ZNF624: variants seen among roughly 807,000 people sequenced by gnomAD.
ZNF624 encodes zinc finger protein 624.
A neutral mutation model predicts 74.7 loss-of-function variants in ZNF624; 43 were observed. The observed-to-expected ratio is 0.58, with a 90% CI of 0.45 to 0.74. ZNF624 has a LOEUF of 0.74. ZNF624 is among the 30% of genes least tolerant of loss of function. The pLI, the probability that ZNF624 is intolerant of heterozygous loss-of-function variation, is 0.00. For synonymous variants in ZNF624, 331 were observed against 341.3 expected, an observed-to-expected ratio of 0.97 and a Z score of 0.33; for missense variants, 820 against 1,030.0, an observed-to-expected ratio of 0.80 and a Z score of 2.79.
chr17:16,615,956 C>CATACATATATAT (rs58603208), downstream of ZNF624, among the ~76,000 whole-genome samples: 131 of 90,138 alleles, frequency 1.5e-3, 2 homozygotes, highest in South Asian at 6.5e-3. Context: ...ATTCCATATA[C>CATACATATATAT]ATATATATAT....
At chr17:16,625,256 A>G (rs1909042820) in intron 5 of ZNF624, among the ~76,000 whole-genome samples, 1 of 150,078 alleles carries the variant, frequency 6.7e-6, no homozygotes, top group Non-Finnish European at 1.5e-5. Context: ...ATCTCGGCTC[A>G]CTGCAACCTC....
intron 4 of ZNF624, among the ~76,000 whole-genome samples, chr17:16,634,229 A>G (rs561468158): frequency 1.3e-5 from 2 of 152,376 alleles, no homozygotes; most frequent in Non-Finnish European, 2.9e-5. Context: ...CATATTGTAC[A>G]GTGATGTTTT....
At chr17:16,626,161 G>A (rs1909067252) in intron 5 of ZNF624, among the ~76,000 whole-genome samples, 1 of 152,116 alleles carries the variant, frequency 6.6e-6, no homozygotes, top group African/African-American at 2.4e-5. Flanking sequence ...ATGTTGGCCA[G>A]GCTGGTCTCC....
chr17:16,616,945 C>T (rs1597487825), downstream of ZNF624: 6 of 1,575,820 alleles, frequency 3.8e-6, no homozygotes, highest in East Asian at 8.9e-5. Context: ...GGACACAGAG[C>T]GGGCCTTTCA....
chr17:16,635,544 T>G (rs1180724992), intron 3 of ZNF624, among the ~76,000 whole-genome samples: 1 of 152,062 alleles, frequency 6.6e-6, no homozygotes, highest in African/African-American at 2.4e-5. Flanking sequence ...ACTCACTCAT[T>G]AGAGAGGAAC....
downstream of ZNF624, chr17:16,617,061 G>C (rs1908805961): frequency 6.2e-7 from 1 of 1,611,352 alleles, no homozygotes; most frequent in Admixed American, 1.7e-5. Context: ...ACCGAGACCT[G>C]CTTCGATATT....
In ZNF624 at chr17:16,623,030, C is replaced by A. The variant is rs774464560; in HGVS notation, c.1856G>T (p.Arg619Met). 6.2e-7 allele frequency: 1 copy of A among 1,613,718 alleles called. No homozygotes were observed. The highest frequency in any genetic ancestry group is 1.1e-5 in the South Asian group (1 of 91,032). Residue 619 changes from arginine to methionine, a missense_variant, in exon 6 of 6, where the codon AGG (arginine) becomes ATG (methionine). Coordinates refer to ENST00000311331, the MANE Select transcript of ZNF624 (RefSeq NM_020787.4). The surrounding 1 kb of genome is among the most constrained non-coding windows in gnomAD (Gnocchi z 5.3). ...EKPYKCTDCE[R>M]AFTKMVNLKE... Reference sequence around the variant, plus strand: ...GAGATTTACCATTTTGGTGAATGCCCTCTCGCAGTCAGTACATTTATATGG... The same window carrying A: ...GAGATTTACCATTTTGGTGAATGCCATCTCGCAGTCAGTACATTTATATGG...
At chr17:16,619,453 C>A (rs73982035), downstream of ZNF624, among the ~76,000 whole-genome samples, 1,756 of 152,192 alleles carry the variant, frequency 0.012, 28 homozygotes, top group African/African-American at 0.039. Flanking sequence ...TCTAAAAAAA[C>A]CCCGTCTCCA....
rs1026384844 is a variant in ZNF624, at chr17:16,620,961, C to T, written c.*1327G>A. The T allele has an allele frequency of 2.6e-5, 4 of 152,058 alleles. No homozygotes were observed. Among genetic ancestry groups the T allele is most frequent in the Non-Finnish European group, 1.5e-5 (1 of 67,996 alleles). The allele number at this position is 152,058 out of a possible 1,614,324, so 9.4% of individuals were successfully genotyped here. On this transcript the variant is annotated 3_prime_UTR_variant, in exon 6 of 6. Transcript: ENST00000311331. Reference sequence around the variant, plus strand: ...CCATAAAGGCAGCATTTACATTTTTCTGTTTTTACAGTCTCCCCTTCCCTT... The same window carrying T: ...CCATAAAGGCAGCATTTACATTTTTTTGTTTTTACAGTCTCCCCTTCCCTT...
At position 16,623,160 on chromosome 17, in the gene ZNF624, G is replaced by A. The variant is rs772054581; in HGVS notation, c.1726C>T (p.Arg576Cys). ...TAAGGTTTCTCTTCAGTATGAATAC[G>A]CTGATGTATAATTAGAGAAGAAGAA... Reference protein sequence around the residue: ...MRSSSLIIHQRIHTEEKPYLC... With the variant: ...MRSSSLIIHQCIHTEEKPYLC... Residue 576 changes from arginine to cysteine, a missense_variant, in exon 6 of 6, where the codon CGT becomes TGT. Arg to Cys is a radical substitution (Grantham distance 180). Transcript: ENST00000311331. This position sits in a 1 kb window ranked among gnomAD's most constrained non-coding sequence, Gnocchi z 5.3. 8 of 1,613,522 alleles carry A rather than the reference G, an allele frequency of 5.0e-6. No individual in the cohort carries two copies. The Admixed American group carries it at 8.3e-5, about 17-fold the overall frequency.
rs754112652 is a variant in ZNF624 at position 16,622,538 on chromosome 17, T to C, written c.2348A>G (p.Lys783Arg). 56 of 1,613,814 alleles carry C rather than the reference T, an allele frequency of 3.5e-5. No homozygotes were observed. The South Asian group carries it at 5.8e-4, about 17-fold the overall frequency. Residue 783 changes from lysine to arginine, a missense_variant, in exon 6 of 6, where the codon AAG becomes AGG. By Grantham distance (26) the Lys-to-Arg change is conservative. Transcript: ENST00000311331. ...THTGEKPYTC[K>R]ECGKGCITLS... ...AGTAATACAACCCTTTCCACATTCCTTACAGGTGTAGGGTTTTTCTCCAGT... is the reference window on the plus strand; with the variant it reads ...AGTAATACAACCCTTTCCACATTCCCTACAGGTGTAGGGTTTTTCTCCAGT...
chr17:16,650,243 G>A lies in ZNF624; in HGVS notation c.-2-497C>T, dbSNP rs185813402. 2.2e-3 allele frequency among the ~76,000 whole-genome samples: 327 copies of A among 151,982 alleles called. 2 individuals are homozygous for A. Among genetic ancestry groups the A allele is most frequent in the African/African-American group, 7.5e-3 (310 of 41,442 alleles). ...AATCTCCTTTTCTTGCCTTTCCCAC[G>A]AAGAGTCTATTTCCTAACATTTTCA... On this transcript the variant is annotated intron_variant, in intron 1 of 5. Coordinates refer to ENST00000311331, the MANE Select transcript of ZNF624 (RefSeq NM_020787.4).
At chr17:16,637,335 A>G (rs1168853364) in intron 3 of ZNF624, among the ~76,000 whole-genome samples, 2 of 152,212 alleles carry the variant, frequency 1.3e-5, no homozygotes, top group African/African-American at 4.8e-5. Context: ...CAAGCTACCA[A>G]TGACTTTCTT....
At position 16,623,844 on chromosome 17, in the gene ZNF624, T is replaced by TA; in HGVS notation, c.1041dup (p.Met348TyrfsTer9). 1.2e-6 allele frequency: 2 copies of TA among 1,613,942 alleles called. No homozygotes were observed. Among genetic ancestry groups the TA allele is most frequent in the Non-Finnish European group, 1.7e-6 (2 of 1,179,988 alleles). ...TTAGTGTGAATTCTCTGATGTACCA[T>TA]AAGTGATGAAGAAGCAATGAAGGCC... On this transcript the variant is annotated frameshift_variant, in exon 6 of 6. Transcript: ENST00000311331. LOFTEE classifies it high-confidence loss of function. The surrounding 1 kb of genome is among the most constrained non-coding windows in gnomAD (Gnocchi z 5.3).
intron 3 of ZNF624, among the ~76,000 whole-genome samples, chr17:16,645,235 T>C (rs1909559598): frequency 6.6e-6 from 1 of 151,892 alleles, no homozygotes; most frequent in African/African-American, 2.4e-5. Context: ...AGTTCAGGAG[T>C]TGAAGACCAG....
At chr17:16,647,277 G>T in intron 3 of ZNF624, 52 bp downstream of exon 3, 3 of 1,456,968 alleles carry the variant, frequency 2.1e-6, no homozygotes, top group African/African-American at 1.4e-5. Context: ...ATCAGAGGCA[G>T]TAAAATAGGC....
chr17:16,635,488 A>G (rs184911452), intron 3 of ZNF624, among the ~76,000 whole-genome samples: 1 of 152,232 alleles, frequency 6.6e-6, no homozygotes, highest in East Asian at 1.9e-4. Flanking sequence ...AAATTAAAAA[A>G]AAAATCCCTG....
chr17:16,645,050 G>C (rs1909555518), intron 3 of ZNF624, among the ~76,000 whole-genome samples: 1 of 152,168 alleles, frequency 6.6e-6, no homozygotes, highest in South Asian at 2.1e-4. Context: ...TCTGGACATG[G>C]TATTGACTCT....
chr17:16,645,877 G>A (rs1362396300), intron 3 of ZNF624, among the ~76,000 whole-genome samples: 9 of 149,062 alleles, frequency 6.0e-5, no homozygotes, highest in African/African-American at 1.5e-4. Context: ...GCTTGTACCC[G>A]GGAGGCAGAG....
Sources: gnomAD v4.1 joint callset for allele counts (sites outside exome capture counted in the v4.1 genomes callset) on GRCh38, gnomAD v4.1.1 for gene constraint, Gnocchi (gnomAD v3.1) non-coding constraint, MANE v1.5 for transcripts, NCBI Gene and HGNC (gene_info 2026-07-23, HGNC 2026-07-21) for gene names.